COL24A1: variants seen among roughly 807,000 people sequenced by gnomAD.
The protein encoded by COL24A1 is collagen alpha-1(XXIV) chain.
A neutral mutation model predicts 253.9 loss-of-function variants in COL24A1; 224 were observed. The ratio of observed to expected loss-of-function variants is 0.88; its 90% CI spans 0.79 to 0.99. The LOEUF is 0.99. Ranked by LOEUF, COL24A1 falls within the 50% of genes least tolerant of loss-of-function variation. The pLI, the probability that COL24A1 is intolerant of heterozygous loss-of-function variation, is 0.00. For synonymous variants in COL24A1, 685 were observed against 673.7 expected (o/e 1.02, Z -0.26); for missense variants, 2,131 against 2,068.5 (o/e 1.03, Z -0.59).
chr1:85,738,156 TAAC>T (rs1350667917), intron 57 of COL24A1, among the ~76,000 whole-genome samples: 1 of 152,172 alleles, frequency 6.6e-6, no homozygotes, highest in Non-Finnish European at 1.5e-5. Context: ...GTTACATAGT[TAAC>T]AAAAAAGTTG....
intron 2 of COL24A1, among the ~76,000 whole-genome samples, chr1:86,133,146 C>T (rs958733365): frequency 6.6e-6 from 1 of 152,106 alleles, no homozygotes; most frequent in Non-Finnish European, 1.5e-5. Context: ...CATGATTTGG[C>T]TCTCTGTTTG....
In COL24A1 at chr1:86,125,179, C is replaced by T; in HGVS notation, c.1157G>A (p.Gly386Asp). Reference protein sequence around the residue: ...NITQHDDRVTGLSLFKKMPSI... With the variant: ...NITQHDDRVTDLSLFKKMPSI... ...TGGCATCTTCTTAAACAGTGACAGACCAGTTACTCTATCATCATGTTGTGT... is the reference window on the plus strand; with the variant it reads ...TGGCATCTTCTTAAACAGTGACAGATCAGTTACTCTATCATCATGTTGTGT... Residue 386 changes from glycine (G) to aspartate (D), a missense_variant, in exon 3 of 60, where the codon GGT becomes GAT. Gly to Asp is a moderately conservative substitution (Grantham distance 94). Transcript: ENST00000370571. The T allele has an allele frequency of 6.2e-7, 1 of 1,613,030 alleles. No individual in the cohort carries two copies. The highest frequency in any genetic ancestry group is 8.5e-7 in the Non-Finnish European group (1 of 1,179,308).
At chr1:86,142,056 C>T (rs1315941102) in intron 2 of COL24A1, among the ~76,000 whole-genome samples, 1 of 151,856 alleles carries the variant, frequency 6.6e-6, no homozygotes, top group Non-Finnish European at 1.5e-5. Flanking sequence ...ACTTCTCCAA[C>T]ATAAAAGACA....
chr1:85,778,023 C>CTCTATCTG (rs1668742628), intron 52 of COL24A1, among the ~76,000 whole-genome samples: 1 of 149,130 alleles, frequency 6.7e-6, no homozygotes, highest in Non-Finnish European at 1.5e-5. Flanking sequence ...ATGTCTCTAT[C>CTCTATCTG]TCTATCTATC....
At chr1:86,052,722 C>A in intron 10 of COL24A1, among the ~76,000 whole-genome samples, 1 of 151,752 alleles carries the variant, frequency 6.6e-6, no homozygotes. Flanking sequence ...AGGGTTTATA[C>A]ATGGAAAAAA....
intron 47 of COL24A1, among the ~76,000 whole-genome samples, chr1:85,792,662 C>T (rs2101683641): frequency 6.6e-6 from 1 of 151,896 alleles, no homozygotes; most frequent in Admixed American, 6.6e-5. Context: ...GAGCCATGAT[C>T]ATGCCACTGC....
intron 43 of COL24A1, among the ~76,000 whole-genome samples, chr1:85,831,938 C>T (rs1675339214): frequency 6.6e-6 from 1 of 151,984 alleles, no homozygotes; most frequent in Admixed American, 6.6e-5. Context: ...TAATTAGATC[C>T]CATTTGTCAA....
At chr1:85,779,729 C>T (rs1038186254) in intron 52 of COL24A1, among the ~76,000 whole-genome samples, 1 of 152,142 alleles carries the variant, frequency 6.6e-6, no homozygotes, top group Admixed American at 6.6e-5. Flanking sequence ...TAGTCTGTTA[C>T]ACCGATCTGT....
intron 24 of COL24A1, among the ~76,000 whole-genome samples, chr1:85,917,915 C>T (rs1306207917): frequency 6.6e-6 from 1 of 152,092 alleles, no homozygotes; most frequent in Admixed American, 6.5e-5. Flanking sequence ...ACCATGTTGG[C>T]CAAGCTGGTC....
At chr1:86,142,636 A>G (rs1161173076) in intron 2 of COL24A1, among the ~76,000 whole-genome samples, 2 of 152,152 alleles carry the variant, frequency 1.3e-5, no homozygotes, top group African/African-American at 2.4e-5. Flanking sequence ...ATAAAGTAGT[A>G]CATAAAACAA....
At chr1:86,093,310 G>A (rs1167674385) in intron 5 of COL24A1, among the ~76,000 whole-genome samples, 1 of 152,064 alleles carries the variant, frequency 6.6e-6, no homozygotes, top group East Asian at 1.9e-4. Context: ...TCTACATTGT[G>A]TAAGGAAGGG....
intron 22 of COL24A1, among the ~76,000 whole-genome samples, chr1:85,967,774 G>A (rs1051434392): frequency 3.3e-5 from 5 of 152,126 alleles, no homozygotes; most frequent in Non-Finnish European, 7.4e-5. Context: ...TAGGGTTTGC[G>A]CTCCTATGAG....
intron 37 of COL24A1, among the ~76,000 whole-genome samples, chr1:85,854,303 A>C (rs1348647017): frequency 6.6e-6 from 1 of 152,110 alleles, no homozygotes; most frequent in Non-Finnish European, 1.5e-5. Context: ...TCGGTTCTCT[A>C]ACCTGTTTCA....
chr1:86,088,771 T>C (rs1703262869), intron 7 of COL24A1, among the ~76,000 whole-genome samples: 1 of 152,324 alleles, frequency 6.6e-6, no homozygotes, highest in East Asian at 1.9e-4. Flanking sequence ...AACCTCACTT[T>C]GGGCATATAA....
chr1:85,864,944 T>C (rs113268141), intron 37 of COL24A1, among the ~76,000 whole-genome samples: 91 of 152,312 alleles, frequency 6.0e-4, no homozygotes, highest in Admixed American at 5.2e-4. Context: ...TCCTTTCAGA[T>C]GCTTCCCAAT....
At chr1:85,856,911 A>G (rs1678496859) in intron 37 of COL24A1, among the ~76,000 whole-genome samples, 1 of 152,110 alleles carries the variant, frequency 6.6e-6, no homozygotes, top group Admixed American at 6.6e-5. Flanking sequence ...GTGATAGAGA[A>G]GACACTTTCC....
rs1669416045 is a variant in COL24A1, at chr1:85,784,104, T to C, written c.4221+9A>G. On this transcript the variant is annotated intron_variant, in intron 50 of 59. Transcript: ENST00000370571. ...AGCTAGAAGACTAGAAGAAAGTATG[T>C]AAACATACTTTAGGGCCTGGGAATC... The C allele has an allele frequency of 5.0e-6, 8 of 1,607,568 alleles. No homozygotes were observed. The highest frequency in any genetic ancestry group is 2.2e-5 in the East Asian group (1 of 44,846).
chr1:85,813,990 A>T (rs2101905383), intron 47 of COL24A1, among the ~76,000 whole-genome samples: 1 of 152,270 alleles, frequency 6.6e-6, no homozygotes, highest in Non-Finnish European at 1.5e-5. Context: ...TGGCACCCTA[A>T]CTAGACTACT....
intron 12 of COL24A1, among the ~76,000 whole-genome samples, chr1:86,040,948 G>A (rs1699432125): frequency 6.6e-6 from 1 of 152,108 alleles, no homozygotes; most frequent in Non-Finnish European, 1.5e-5. Context: ...TATGCAATAT[G>A]TATTTAAGAC....
Sources: gnomAD v4.1 joint callset for allele counts (sites outside exome capture counted in the v4.1 genomes callset) on GRCh38, gnomAD v4.1.1 for gene constraint, MANE v1.5 for transcripts, NCBI Gene and HGNC (gene_info 2026-07-23, HGNC 2026-07-21) for gene names.